REV3L: variants seen among roughly 807,000 people sequenced by gnomAD.
REV3L encodes REV3 like, DNA directed polymerase zeta catalytic subunit.
In REV3L, 69 loss-of-function variants were observed where a neutral mutation model predicts 299.4. The ratio of observed to expected loss-of-function variants is 0.23; its 90% CI spans 0.19 to 0.28. REV3L has a LOEUF of 0.28. REV3L is among the 10% of genes least tolerant of loss of function. REV3L has a pLI of 1.00. For missense variants in REV3L, 3,128 were observed against 3,693.8 expected (o/e 0.85, Z 3.97); for synonymous variants, 1,238 against 1,271.4 (o/e 0.97, Z 0.56).
chr6:111,372,674 A>C lies in REV3L; in HGVS notation c.5681T>G (p.Leu1894Trp). Residue 1894 changes from leucine to tryptophan, a missense_variant, in exon 13 of 32, where the codon TTG (leucine) becomes TGG (tryptophan). By Grantham distance (61) the Leu-to-Trp change is moderately conservative. Around this residue, in one of 9 missense-constraint regions of REV3L, gnomAD observed 2,409 missense variants for 2,611.8 expected, o/e 0.92. Coordinates refer to ENST00000368802, the MANE Select transcript of REV3L (RefSeq NM_001372078.1). ...PPSREEIMAT[L>W]LDHDLSETIY... ...AGTCTCAGACAGGTCATGATCCAACAAAGTTGCCATAATTTCTTCCCTACT... is the reference window on the plus strand; with the variant it reads ...AGTCTCAGACAGGTCATGATCCAACCAAGTTGCCATAATTTCTTCCCTACT... 2 of 1,581,898 alleles carry C rather than the reference A, an allele frequency of 1.3e-6. No homozygotes were observed. The highest frequency in any genetic ancestry group is 1.2e-5 in the South Asian group (1 of 83,544).
rs376475252 is a variant in REV3L at position 111,387,917 on chromosome 6, C to T, written c.948-4G>A. The T allele has an allele frequency of 1.2e-5, 19 of 1,613,446 alleles. No homozygotes were observed. Among genetic ancestry groups the T allele is most frequent in the Non-Finnish European group, 1.4e-5 (17 of 1,179,656 alleles). ...GTCCACAGATCCTGATAATGTTCTG[C>T]TTAATTAAAACATATCCTTTATAAC... On this transcript the variant is annotated splice_region_variant and splice_polypyrimidine_tract_variant and intron_variant, in intron 8 of 31. Transcript: ENST00000368802.
intron 1 of REV3L, among the ~76,000 whole-genome samples, chr6:111,444,801 G>C (rs1788651413): frequency 6.6e-6 from 1 of 152,196 alleles, no homozygotes; most frequent in Admixed American, 6.5e-5. Flanking sequence ...AAAAATGCCA[G>C]GGCTATAATG....
rs751077320 is a variant in REV3L at position 111,376,028 on chromosome 6, T to C, written c.2327A>G (p.Tyr776Cys). The C allele has an allele frequency of 3.1e-6, 5 of 1,613,982 alleles. No homozygotes were observed. The South Asian group carries it at 4.4e-5, about 14-fold the overall frequency. Residue 776 changes from tyrosine (Y) to cysteine (C), a missense_variant, in exon 13 of 32, where the codon TAT (tyrosine) becomes TGT (cysteine). This residue lies in a region of REV3L where 2,409 missense variants were observed against 2,611.8 expected (regional missense o/e 0.92). Transcript: ENST00000368802. ...TGTTTTATGTTCTTGAAATTCTTCA[T>C]ACCTAATTTTAAGTTTATTTAGTCC... ...ESGLNKLKIRYEEFQEHKTEK... is the reference protein window; with the variant it reads ...ESGLNKLKIRCEEFQEHKTEK...
At chr6:111,459,088 TG>T (rs1790470377) in intron 1 of REV3L, among the ~76,000 whole-genome samples, 1 of 151,950 alleles carries the variant, frequency 6.6e-6, no homozygotes, top group South Asian at 2.1e-4. Flanking sequence ...AAGAGATACA[TG>T]GACCAATAAA....
chr6:111,430,436 T>C, intron 1 of REV3L: 2 of 1,516,306 alleles, frequency 1.3e-6, no homozygotes, highest in Non-Finnish European at 1.8e-6. Context: ...AACTAATGTG[T>C]ACTAATGCCA....
At chr6:111,303,646 C>T (rs145596777) in intron 31 of REV3L, among the ~76,000 whole-genome samples, 3,659 of 133,298 alleles carry the variant, frequency 0.027, 59 homozygotes, top group South Asian at 0.083. Flanking sequence ...GGATTATAGG[C>T]GTGAGCCATG....
At chr6:111,302,886 G>C (rs1021954079) in intron 31 of REV3L, among the ~76,000 whole-genome samples, 5 of 152,174 alleles carry the variant, frequency 3.3e-5, no homozygotes, top group African/African-American at 1.2e-4. Flanking sequence ...CTGGGCAACA[G>C]TGAGACTCCG....
At chr6:111,432,717 G>A (rs899085789) in intron 1 of REV3L, among the ~76,000 whole-genome samples, 3 of 152,114 alleles carry the variant, frequency 2.0e-5, no homozygotes, top group African/African-American at 7.2e-5. Context: ...AACATTTATG[G>A]AACATTTTAC....
Position 111,310,048 on chromosome 6 carries a change from C to T in REV3L, c.8847G>A (p.Val2949=). The change falls in exon 30 of 32, where the codon GTG becomes GTA. Residue 2949 remains valine (V), a synonymous_variant. Transcript: ENST00000368802. ...GGGTCCCATAAATGATGACGTATGG[C>T]ACTCGCTCCCCAACCTGAGGCTCAG... ...RRSEPQVGER[V]PYVIIYGTPG... is the part of the protein sequence containing the mutation. 8 of 1,606,390 alleles carry T rather than the reference C, an allele frequency of 5.0e-6. No individual in the cohort carries two copies. Among genetic ancestry groups the T allele is most frequent in the Non-Finnish European group, 6.8e-6 (8 of 1,175,798 alleles).
chr6:111,417,084 T>A (rs879663739), intron 1 of REV3L, among the ~76,000 whole-genome samples: 6 of 151,552 alleles, frequency 4.0e-5, no homozygotes, highest in Middle Eastern at 3.4e-3. Context: ...TTTCAGGGTA[T>A]CTAAATTTTA....
intron 22 of REV3L, 86 bp from the exon 23 acceptor site, chr6:111,333,453 G>T: frequency 6.7e-7 from 1 of 1,484,698 alleles, no homozygotes; most frequent in South Asian, 1.3e-5. Flanking sequence ...AGGATAATCT[G>T]CTTTTCAGAA....
intron 13 of REV3L, among the ~76,000 whole-genome samples, chr6:111,370,480 C>T (rs1305227344): frequency 1.3e-5 from 2 of 152,044 alleles, no homozygotes; most frequent in Non-Finnish European, 2.9e-5. Flanking sequence ...TTCTGATAAC[C>T]TTTTCTCACC....
At chr6:111,380,246 A>C in intron 10 of REV3L, 27 bp from the exon 11 acceptor site, 5 of 1,468,504 alleles carry the variant, frequency 3.4e-6, no homozygotes, top group Non-Finnish European at 3.8e-6. Context: ...ATAATCACCA[A>C]CAAATAAGTT....
intron 30 of REV3L, 24 bp downstream of exon 30, chr6:111,309,829 A>G: frequency 1.2e-6 from 2 of 1,608,924 alleles, no homozygotes; most frequent in Non-Finnish European, 1.7e-6. Flanking sequence ...TAGTTAGAGC[A>G]CATGTACTAT....
At chr6:111,384,433 A>G (rs1318262014) in intron 9 of REV3L, among the ~76,000 whole-genome samples, 1 of 152,218 alleles carries the variant, frequency 6.6e-6, no homozygotes, top group African/African-American at 2.4e-5. Context: ...AAAAATCGGC[A>G]AAAGATCTGA....
intron 1 of REV3L, among the ~76,000 whole-genome samples, chr6:111,481,450 C>A (rs923371779): frequency 5.3e-5 from 8 of 152,196 alleles, no homozygotes; most frequent in African/African-American, 1.7e-4. Context: ...ATATCAAAAT[C>A]ATATTCACTA....
intron 1 of REV3L, chr6:111,431,193 T>G (rs1786880902): frequency 6.4e-7 from 1 of 1,566,690 alleles, no homozygotes; most frequent in South Asian, 1.1e-5. Context: ...ATTATCCATC[T>G]GTGATGGCAG....
At chr6:111,482,701 C>T (rs1443310143) in intron 1 of REV3L, 49 bp downstream of exon 1, 3 of 1,152,972 alleles carry the variant, frequency 2.6e-6, no homozygotes, top group Middle Eastern at 3.6e-4. Context: ...AGGGCGGCCC[C>T]GGCGCCCCGC....
chr6:111,313,135 C>A, intron 28 of REV3L: 1 of 375,704 alleles, frequency 2.7e-6, no homozygotes, highest in South Asian at 7.9e-5. Flanking sequence ...TGCACTCCAG[C>A]CTGGGTGACA....
Sources: gnomAD v4.1 joint callset for allele counts (sites outside exome capture counted in the v4.1 genomes callset) on GRCh38, gnomAD v4.1.1 for gene constraint, gnomAD v4.1.1 regional missense constraint, MANE v1.5 for transcripts, NCBI Gene and HGNC (gene_info 2026-07-23, HGNC 2026-07-21) for gene names.